The following MTFR1 variants were observed in gnomAD, a reference collection of about 807,000 sequenced individuals.
The protein encoded by MTFR1 is chondrocyte protein with a poly-proline region.
MTFR1 carries 28 observed loss-of-function variants against 38.8 expected under a neutral mutation model. The ratio of observed to expected loss-of-function variants is 0.72; its 90% CI spans 0.53 to 0.99. MTFR1 has a LOEUF of 0.99. Ranked by LOEUF, MTFR1 falls within the 50% of genes least tolerant of loss-of-function variation. MTFR1 has a pLI of 0.00. For synonymous variants in MTFR1, 145 were observed against 137.0 expected (o/e 1.06, Z -0.41); for missense variants, 358 against 395.5 (o/e 0.91, Z 0.81).
At chr8:65,723,713 G>T in intron 3 of MTFR1, 1 of 874,104 alleles carries the variant, frequency 1.1e-6, no homozygotes, top group Non-Finnish European at 1.6e-6. Context: ...GCATTTCTTA[G>T]GAAAAACATA....
Position 65,682,361 on chromosome 8 carries a change from G to A in MTFR1, c.75G>A (p.Trp25Ter). The A allele has an allele frequency of 6.4e-7, 1 of 1,557,956 alleles. No homozygotes were observed. The change falls in exon 3 of 8, where the codon TGG becomes TGA. Residue 25 changes from tryptophan to a stop codon, truncating the protein, a stop_gained. Coordinates refer to ENST00000262146, the MANE Select transcript of MTFR1 (RefSeq NM_014637.4). LOFTEE classifies it high-confidence loss of function. Reference sequence around the variant, plus strand: ...TTTTCCTACTTCCTCAGGTACTTTGGTCTAGGAAGCCATATGGTTCGTCTC... The same window carrying A: ...TTTTCCTACTTCCTCAGGTACTTTGATCTAGGAAGCCATATGGTTCGTCTC... The part of the protein sequence containing the change: ...QVGVSMQSVL[W>*]SRKPYGSSRS...
intron 2 of MTFR1, among the ~76,000 whole-genome samples, chr8:65,672,260 A>G (rs1309306951): frequency 1.3e-5 from 2 of 152,254 alleles, no homozygotes; most frequent in Non-Finnish European, 2.9e-5. Flanking sequence ...TTCTTCTAAC[A>G]TAAAGCAATG....
At chr8:65,700,965 T>C (rs546828766) in intron 4 of MTFR1, among the ~76,000 whole-genome samples, 1 of 152,212 alleles carries the variant, frequency 6.6e-6, no homozygotes, top group Non-Finnish European at 1.5e-5. Flanking sequence ...GCATATCTGA[T>C]TGCTTCCTCT....
chr8:65,718,704 A>C (rs1473007593), intron 2 of MTFR1: 1 of 153,096 alleles, frequency 6.5e-6, no homozygotes, highest in East Asian at 1.9e-4. Context: ...AAGAAGAAAA[A>C]GGCAAACCAG....
chr8:65,742,915 ATC>A (rs1807506302), intron 3 of MTFR1, among the ~76,000 whole-genome samples: 1 of 152,220 alleles, frequency 6.6e-6, no homozygotes, highest in South Asian at 2.1e-4. Context: ...GAGTGAGGTG[ATC>A]AAAAGGAAAG....
chr8:65,694,188 C>T (rs991913555), intron 4 of MTFR1, among the ~76,000 whole-genome samples: 1 of 151,736 alleles, frequency 6.6e-6, no homozygotes, highest in African/African-American at 2.4e-5. Flanking sequence ...GATTCTCCTG[C>T]CTCAGCTTCC....
chr8:65,693,316 G>A (rs112817123), intron 3 of MTFR1, among the ~76,000 whole-genome samples: 22,818 of 151,730 alleles, frequency 0.15, 1,775 homozygotes, highest in Middle Eastern at 0.19. Flanking sequence ...CAGAAGAATC[G>A]CTTGAACCCG....
intron 3 of MTFR1, among the ~76,000 whole-genome samples, chr8:65,729,929 C>A (rs892555672): frequency 1.3e-5 from 2 of 151,956 alleles, no homozygotes; most frequent in African/African-American, 2.4e-5. Flanking sequence ...AAGAAATGAA[C>A]CTCCCACACA....
intron 3 of MTFR1, among the ~76,000 whole-genome samples, chr8:65,738,135 C>T (rs1807232730): frequency 6.7e-6 from 1 of 148,904 alleles, no homozygotes; most frequent in South Asian, 2.1e-4. Context: ...ATTAAGTGTA[C>T]AATAGCATTA....
Position 65,707,031 on chromosome 8 carries a change from T to C in MTFR1, c.539T>C (p.Phe180Ser), listed in dbSNP as rs1805799187. ...GTAGGTGACTTAGATTCTACCACAT[T>C]TGGTACCATACCACCACACCCTCCA... ...LTAGDLDSTT[F>S]GTIPPHPPPP... Residue 180 changes from phenylalanine to serine, a missense_variant, in exon 6 of 8, where the codon TTT (phenylalanine) becomes TCT (serine). Physicochemically the swap from Phe to Ser is radical, Grantham distance 155. Transcript: ENST00000262146. 1 of 1,609,466 alleles carries C rather than the reference T, an allele frequency of 6.2e-7. No individual in the cohort carries two copies. The highest frequency in any genetic ancestry group is 8.5e-7 in the Non-Finnish European group (1 of 1,178,322).
intron 3 of MTFR1, among the ~76,000 whole-genome samples, chr8:65,687,634 C>T (rs376231878): frequency 7.9e-5 from 12 of 152,146 alleles, no homozygotes; most frequent in African/African-American, 2.6e-4. Flanking sequence ...CATGAGCCAC[C>T]GCACCCAGCC....
Position 65,704,678 on chromosome 8 carries a change from T to G in MTFR1, c.282-16T>G. 6.2e-7 allele frequency: 1 copy of G among 1,610,690 alleles called. No individual in the cohort carries two copies. The highest frequency in any genetic ancestry group is 8.5e-7 in the Non-Finnish European group (1 of 1,177,118). The stretch of plus-strand genomic sequence containing the variant: ...TTACAAAGCCTGTGACAGCCCACCT[T>G]ATGTCTTCCTTGCAGGACAGAGGTC... On this transcript the variant is annotated splice_polypyrimidine_tract_variant and intron_variant, in intron 4 of 7. Coordinates refer to ENST00000262146, the MANE Select transcript of MTFR1 (RefSeq NM_014637.4).
chr8:65,644,046 C>T (rs149152082), upstream of MTFR1, among the ~76,000 whole-genome samples: 2 of 152,258 alleles, frequency 1.3e-5, no homozygotes, highest in East Asian at 3.9e-4. Context: ...GTTTCCTACC[C>T]TACATAGGAA....
intron 5 of MTFR1, 49 bp from the exon 6 acceptor site, chr8:65,706,961 C>T (rs2129059482): frequency 1.3e-6 from 2 of 1,514,404 alleles, no homozygotes; most frequent in South Asian, 1.3e-5. Flanking sequence ...CTGATATTTT[C>T]TTTGCTTAAT....
rs1394685290 is a variant in MTFR1 at position 65,709,532 on chromosome 8, T to TAAG, written c.*489_*491dup. On this transcript the variant is annotated 3_prime_UTR_variant, in exon 8 of 8. Transcript: ENST00000262146. The stretch of plus-strand genomic sequence containing the variant: ...CAATGATGGAACAGCTGGTATAACA[T>TAAG]AAGTTGTTGGCATGAAATATTTGAG... 1 of 153,382 alleles carries TAAG rather than the reference T, an allele frequency of 6.5e-6. No individual in the cohort carries two copies. The highest frequency in any genetic ancestry group is 2.4e-5 in the African/African-American group (1 of 41,476). The allele number at this position is 153,382 out of a possible 1,614,324, so 9.5% of individuals were successfully genotyped here. A position where few individuals can be genotyped will look rare whatever the true frequency, so the allele number is the denominator to read the frequency against.
At chr8:65,735,642 G>C (rs368965347) in intron 3 of MTFR1, among the ~76,000 whole-genome samples, 1 of 151,926 alleles carries the variant, frequency 6.6e-6, no homozygotes, top group East Asian at 1.9e-4. Context: ...GGTTATTTTT[G>C]AGATGGAGTC....
intron 3 of MTFR1, among the ~76,000 whole-genome samples, chr8:65,726,168 C>T (rs1436483553): frequency 6.6e-6 from 1 of 152,180 alleles, no homozygotes; most frequent in Non-Finnish European, 1.5e-5. Context: ...TTTCAATCCA[C>T]TTTCATGGTT....
intron 3 of MTFR1, chr8:65,747,663 C>T (rs1262742738): frequency 4.4e-6 from 7 of 1,606,292 alleles, no homozygotes; most frequent in Non-Finnish European, 6.0e-6. Context: ...TTGGCTTGTC[C>T]ATTATAATCA....
At chr8:65,723,630 T>TA (rs745861177) in intron 3 of MTFR1, 2 of 1,522,556 alleles carry the variant, frequency 1.3e-6, no homozygotes, top group Non-Finnish European at 1.8e-6. Context: ...TCCTATAAAT[T>TA]AAAAAAAGAG....
Sources: allele counts gnomAD v4.1 joint callset (sites outside exome capture counted in the v4.1 genomes callset), GRCh38; gene constraint gnomAD v4.1.1; transcripts MANE v1.5; gene names NCBI Gene and HGNC (gene_info 2026-07-23, HGNC 2026-07-21).